ZCCHC17: variants seen among roughly 807,000 people sequenced by gnomAD.
ZCCHC17 encodes the protein zinc finger CCHC domain-containing protein 17.
In ZCCHC17, 18 loss-of-function variants were observed where a neutral mutation model predicts 30.6. The ratio of observed to expected loss-of-function variants is 0.59; its 90% CI spans 0.41 to 0.87. The LOEUF is 0.87. ZCCHC17 is among the 40% of genes least tolerant of loss of function. The pLI is 0.00. For synonymous variants in ZCCHC17, 88 were observed against 92.4 expected, an observed-to-expected ratio of 0.95 and a Z score of 0.27; for missense variants, 263 against 284.2, an observed-to-expected ratio of 0.93 and a Z score of 0.54.
At chr1:31,347,527 G>A (rs947746979) in intron 6 of ZCCHC17, among the ~76,000 whole-genome samples, 6 of 152,204 alleles carry the variant, frequency 3.9e-5, no homozygotes, top group Admixed American at 3.9e-4. Flanking sequence ...CAGGAAAACT[G>A]TGGGAACATT....
chr1:31,339,410 A>G (rs1284432305), intron 5 of ZCCHC17, among the ~76,000 whole-genome samples: 1 of 152,236 alleles, frequency 6.6e-6, no homozygotes, highest in Non-Finnish European at 1.5e-5. Context: ...AGACTGAGTC[A>G]TGCACTAGAG....
chr1:31,311,268 C>T (rs548623060), intron 2 of ZCCHC17, among the ~76,000 whole-genome samples: 27 of 152,140 alleles, frequency 1.8e-4, no homozygotes, highest in Non-Finnish European at 3.1e-4. Context: ...TGCTTTCTCA[C>T]GGCTCTTCAG....
At position 31,325,624 on chromosome 1, in the gene ZCCHC17, G is replaced by A. The variant is rs1381337328; in HGVS notation, c.124+6458G>A. On this transcript the variant is annotated intron_variant, in intron 3 of 7. Transcript: ENST00000344147. ...ATGCTCACTCACTCATGCATCCCTC[G>A]CCACTCCGAGCCTGGCTCGCCCTTG... 2.0e-5 allele frequency among the ~76,000 whole-genome samples: 3 copies of A among 152,202 alleles called. No homozygotes were observed. The East Asian group carries it at 5.8e-4, about 29-fold the overall frequency.
rs576171637 is a variant in ZCCHC17 at position 31,363,191 on chromosome 1, T to G, written c.565-841T>G. Reference sequence around the variant, plus strand: ...TTTGCAATGTCTTATACTTTTTTTTTTTTTTTTTTTGAGACGGAGTCTCGC... The same window carrying G: ...TTTGCAATGTCTTATACTTTTTTTTGTTTTTTTTTTGAGACGGAGTCTCGC... On this transcript the variant is annotated intron_variant, in intron 7 of 7. Coordinates refer to ENST00000344147, the MANE Select transcript of ZCCHC17 (RefSeq NM_016505.4). 2.3e-4 allele frequency among the ~76,000 whole-genome samples: 34 copies of G among 150,466 alleles called. No homozygotes were observed. In the South Asian group the frequency reaches 5.7e-3, roughly 25 times the overall value.
At chr1:31,306,576 G>A (rs1379356328) in intron 1 of ZCCHC17, among the ~76,000 whole-genome samples, 4 of 152,204 alleles carry the variant, frequency 2.6e-5, no homozygotes, top group Admixed American at 6.5e-5. Context: ...TTTTTGGACC[G>A]TGGTAGACTG....
In ZCCHC17 at chr1:31,364,212, G is replaced by T. The variant is rs760574791; in HGVS notation, c.*19G>T. 6.2e-7 allele frequency: 1 copy of T among 1,602,234 alleles called. No homozygotes were observed. ...GGAGTGAGAGTATAAAGAGTGTAGGGGGTGGTTGAGAGTAAGAAACCAGGA... is the reference window on the plus strand; with the variant it reads ...GGAGTGAGAGTATAAAGAGTGTAGGTGGTGGTTGAGAGTAAGAAACCAGGA... On this transcript the variant is annotated 3_prime_UTR_variant, in exon 8 of 8. Coordinates refer to ENST00000344147, the MANE Select transcript of ZCCHC17 (RefSeq NM_016505.4).
At chr1:31,339,277 C>T (rs1638941860) in intron 5 of ZCCHC17, among the ~76,000 whole-genome samples, 1 of 152,322 alleles carries the variant, frequency 6.6e-6, no homozygotes, top group Non-Finnish European at 1.5e-5. Context: ...GGGCGGATCA[C>T]CTAAGAGGTC....
chr1:31,327,164 C>G (rs1638388506), intron 3 of ZCCHC17, among the ~76,000 whole-genome samples: 1 of 152,180 alleles, frequency 6.6e-6, no homozygotes, highest in Admixed American at 6.5e-5. Flanking sequence ...CAACCAACTC[C>G]CCAATTCTCT....
At chr1:31,300,297 T>A (rs1273817392) in intron 1 of ZCCHC17, among the ~76,000 whole-genome samples, 1 of 152,164 alleles carries the variant, frequency 6.6e-6, no homozygotes, top group Admixed American at 6.5e-5. Flanking sequence ...TGGCCTCAAG[T>A]GATCTTGCTG....
intron 1 of ZCCHC17, among the ~76,000 whole-genome samples, chr1:31,301,220 C>T (rs576890603): frequency 6.6e-6 from 1 of 152,258 alleles, no homozygotes; most frequent in East Asian, 1.9e-4. Context: ...ATGTGTGTTA[C>T]ACTGTGCTAG....
chr1:31,343,252 G>A (rs1471718506), intron 5 of ZCCHC17, among the ~76,000 whole-genome samples: 2 of 152,142 alleles, frequency 1.3e-5, no homozygotes, highest in African/African-American at 4.8e-5. Context: ...TAGAGACGGG[G>A]TTTCACCATG....
chr1:31,339,748 C>T (rs1638962580), intron 5 of ZCCHC17, among the ~76,000 whole-genome samples: 1 of 152,086 alleles, frequency 6.6e-6, no homozygotes, highest in South Asian at 2.1e-4. Context: ...GGGTCTCTTC[C>T]ACATAGAGAC....
chr1:31,304,765 A>G (rs1456381887), intron 1 of ZCCHC17, among the ~76,000 whole-genome samples: 1 of 150,528 alleles, frequency 6.6e-6, no homozygotes, highest in Non-Finnish European at 1.5e-5. Flanking sequence ...CTGGCTAATT[A>G]TTTGTATTTT....
chr1:31,302,893 T>G (rs1646353579), intron 1 of ZCCHC17, among the ~76,000 whole-genome samples: 1 of 152,092 alleles, frequency 6.6e-6, no homozygotes, highest in Non-Finnish European at 1.5e-5. Context: ...CCCCAACATG[T>G]GGGGATTACA....
rs71569979 is a variant in ZCCHC17 at position 31,343,846 on chromosome 1, ATTTTTTTTTT to A, written c.318-2778_318-2769del. Among the ~76,000 whole-genome samples, 11 of 80,774 alleles carry A rather than the reference ATTTTTTTTTT, an allele frequency of 1.4e-4. 1 individual carries two copies. Among genetic ancestry groups the A allele is most frequent in the African/African-American group, 6.4e-4 (10 of 15,602 alleles). The allele number at this position is 80,774 out of a possible 152,430, so 53.0% of individuals were successfully genotyped here. A position where few individuals can be genotyped will look rare whatever the true frequency, so the allele number is the denominator to read the frequency against. Reference sequence around the variant, plus strand: ...AGGTCCATGCCAGCATGCCCCACTAATTTTTTTTTTTTTTTTTTTTTTTTTGAGACAAGAG... The same window carrying A: ...AGGTCCATGCCAGCATGCCCCACTAATTTTTTTTTTTTTTTGAGACAAGAG... On this transcript the variant is annotated intron_variant, in intron 5 of 7. Coordinates refer to ENST00000344147, the MANE Select transcript of ZCCHC17 (RefSeq NM_016505.4).
chr1:31,320,652 T>C (rs1646839727), intron 3 of ZCCHC17, among the ~76,000 whole-genome samples: 1 of 152,224 alleles, frequency 6.6e-6, no homozygotes, highest in African/African-American at 2.4e-5. Context: ...CTTAATTCTT[T>C]TTTATTGCCA....
chr1:31,323,660 A>G (rs1045176111), intron 3 of ZCCHC17, among the ~76,000 whole-genome samples: 3 of 152,200 alleles, frequency 2.0e-5, no homozygotes, highest in African/African-American at 4.8e-5. Context: ...AGATGAATGT[A>G]CAATTATCTC....
chr1:31,364,024 C>A lies in ZCCHC17; in HGVS notation c.565-8C>A, dbSNP rs2148491245. The A allele has an allele frequency of 1.2e-6, 2 of 1,605,456 alleles. No homozygotes were observed. Among genetic ancestry groups the A allele is most frequent in the Non-Finnish European group, 1.7e-6 (2 of 1,177,746 alleles). ...ATACAGTGTTGATTTTTAAAATTTT[C>A]TTTTCAGGAGAAGAAGAAAAAGAAA... On this transcript the variant is annotated splice_region_variant and splice_polypyrimidine_tract_variant and intron_variant, in intron 7 of 7. Coordinates refer to ENST00000344147, the MANE Select transcript of ZCCHC17 (RefSeq NM_016505.4).
At position 31,338,998 on chromosome 1, in the gene ZCCHC17, T is replaced by A; in HGVS notation, c.267T>A (p.Val89=). Residue 89 remains valine, a synonymous_variant, in exon 5 of 8, where the codon GTT becomes GTA. Coordinates refer to ENST00000344147, the MANE Select transcript of ZCCHC17 (RefSeq NM_016505.4). ...DRIKVSLSMK[V]VNQGTGKDLD... ...TAAAAGTATCCCTCTCCATGAAGGT[T>A]GTCAATCAAGGGACTGGGAAAGACC... 1.9e-6 allele frequency: 3 copies of A among 1,612,950 alleles called. No individual in the cohort carries two copies. The highest frequency in any genetic ancestry group is 2.5e-6 in the Non-Finnish European group (3 of 1,179,736).
Sources: allele counts gnomAD v4.1 joint callset (sites outside exome capture counted in the v4.1 genomes callset), GRCh38; gene constraint gnomAD v4.1.1; transcripts MANE v1.5; gene names NCBI Gene and HGNC (gene_info 2026-07-23, HGNC 2026-07-21).